MTHFD1L: variants seen among roughly 807,000 people sequenced by gnomAD.
MTHFD1L encodes methylenetetrahydrofolate dehydrogenase (NADP+ dependent) 1 like.
Under a neutral mutation model 119.5 loss-of-function variants are expected in MTHFD1L, and 81 were observed. That is an observed-to-expected ratio of 0.68 (90% confidence interval 0.57 to 0.82). MTHFD1L has a LOEUF of 0.82. Among genes scored for constraint, MTHFD1L ranks in the 40% least tolerant of loss-of-function variants. The probability of loss-of-function intolerance (pLI) is 0.00; values close to 1 mark genes in which losing one functional copy is unlikely to be tolerated. For synonymous variants in MTHFD1L, 430 were observed against 475.2 expected, an observed-to-expected ratio of 0.90 and a Z score of 1.24; for missense variants, 1,125 against 1,253.4, an observed-to-expected ratio of 0.90 and a Z score of 1.55.
chr6:150,916,994 C>A (rs1011019860), intron 8 of MTHFD1L, among the ~76,000 whole-genome samples: 5 of 151,346 alleles, frequency 3.3e-5, no homozygotes, highest in Non-Finnish European at 7.4e-5. Flanking sequence ...CCCCCGACCT[C>A]AGATGATCCA....
chr6:150,940,192 T>C (rs1196456167), intron 13 of MTHFD1L, among the ~76,000 whole-genome samples: 1 of 152,134 alleles, frequency 6.6e-6, no homozygotes, highest in Non-Finnish European at 1.5e-5. Context: ...GGTCCCAGCA[T>C]TGAGCAGAGT....
intron 24 of MTHFD1L, among the ~76,000 whole-genome samples, chr6:151,020,772 T>A (rs1335619889): frequency 6.6e-6 from 1 of 152,252 alleles, no homozygotes; most frequent in Non-Finnish European, 1.5e-5. Context: ...TGAATTTTCC[T>A]TTCTAATGTG....
chr6:151,043,079 C>T (rs1318863519), intron 26 of MTHFD1L, among the ~76,000 whole-genome samples: 2 of 152,068 alleles, frequency 1.3e-5, no homozygotes, highest in Non-Finnish European at 2.9e-5. Context: ...TAGAACGTTT[C>T]CATAAGAAGT....
intron 24 of MTHFD1L, among the ~76,000 whole-genome samples, chr6:151,024,271 G>A (rs987454808): frequency 1.3e-5 from 2 of 152,138 alleles, no homozygotes; most frequent in Non-Finnish European, 2.9e-5. Flanking sequence ...CAGGCGCGGC[G>A]GCTCATGCCT....
rs56386906 is a variant in MTHFD1L at position 150,870,195 on chromosome 6, T to C, written c.227+4146T>C. 1.7e-3 allele frequency among the ~76,000 whole-genome samples: 265 copies of C among 152,320 alleles called. 1 individual carries two copies. The highest frequency in any genetic ancestry group is 0.01 in the Middle Eastern group (3 of 294). Reference sequence around the variant, plus strand: ...CTAGAGAGCTCACATTCCTTCCCACTGTCCTCAACCAAAGTGGAAGCTCAC... The same window carrying C: ...CTAGAGAGCTCACATTCCTTCCCACCGTCCTCAACCAAAGTGGAAGCTCAC... On this transcript the variant is annotated intron_variant, in intron 1 of 27. Coordinates refer to ENST00000367321, the MANE Select transcript of MTHFD1L (RefSeq NM_015440.5).
At chr6:151,076,177 G>A (rs1294717852) in intron 26 of MTHFD1L, among the ~76,000 whole-genome samples, 1 of 152,028 alleles carries the variant, frequency 6.6e-6, no homozygotes, top group Non-Finnish European at 1.5e-5. Flanking sequence ...GACAACATAG[G>A]GAGGAGACTC....
chr6:150,881,334 T>C (rs1781365703), intron 4 of MTHFD1L, among the ~76,000 whole-genome samples: 1 of 152,242 alleles, frequency 6.6e-6, no homozygotes. Flanking sequence ...TGCTATTTAT[T>C]GAAGAGGCTC....
chr6:150,972,267 G>A (rs1249549263), intron 20 of MTHFD1L, among the ~76,000 whole-genome samples: 1 of 152,122 alleles, frequency 6.6e-6, no homozygotes, highest in Non-Finnish European at 1.5e-5. Context: ...CTGGTATCAA[G>A]TACATATGGG....
In MTHFD1L at chr6:151,034,597, A is replaced by G. The variant is rs747730123; in HGVS notation, c.2691A>G (p.Gln897=). ...AAGCCAAAATAGATCGTTACACTCAACAGGTAAAAGTTCTACTTTTAGGGG... is the reference window on the plus strand; with the variant it reads ...AAGCCAAAATAGATCGTTACACTCAGCAGGTAAAAGTTCTACTTTTAGGGG... ...EAQAKIDRYT[Q]QGFGNLPICM... The change falls in exon 25 of 28, where the codon CAA becomes CAG. Residue 897 remains glutamine (Q), a synonymous_variant. Coordinates refer to ENST00000367321, the MANE Select transcript of MTHFD1L (RefSeq NM_015440.5). 1 of 1,602,692 alleles carries G rather than the reference A, an allele frequency of 6.2e-7. No homozygotes were observed. The highest frequency in any genetic ancestry group is 8.5e-7 in the Non-Finnish European group (1 of 1,171,514).
At chr6:150,985,357 C>T (rs947670875) in intron 20 of MTHFD1L, 8 of 152,084 alleles carry the variant, frequency 5.3e-5, no homozygotes, top group East Asian at 1.9e-4. Context: ...TCTGAGAAAT[C>T]GGAGGGGCTC....
chr6:150,898,677 A>G (rs1014037998), intron 7 of MTHFD1L, among the ~76,000 whole-genome samples: 1 of 151,954 alleles, frequency 6.6e-6, no homozygotes, highest in Non-Finnish European at 1.5e-5. Context: ...GCATTTCCTT[A>G]ATTTTGTACT....
chr6:151,012,019 C>CAAAAAAAAAAAAAAAAAAA (rs1043831602), intron 21 of MTHFD1L, among the ~76,000 whole-genome samples: 4 of 58,798 alleles, frequency 6.8e-5, no homozygotes, highest in African/African-American at 1.2e-4. Flanking sequence ...ACAACAACAA[C>CAAAAAAAAAAAAAAAAAAA]AAAAAAAAAA....
chr6:151,075,079 A>C (rs1792355715), intron 26 of MTHFD1L, among the ~76,000 whole-genome samples: 1 of 152,210 alleles, frequency 6.6e-6, no homozygotes. Context: ...AGGAAGCAGA[A>C]AAGGGAAAAA....
intron 20 of MTHFD1L, among the ~76,000 whole-genome samples, chr6:150,992,808 G>A (rs945624335): frequency 5.3e-5 from 8 of 152,146 alleles, no homozygotes; most frequent in Non-Finnish European, 1.0e-4. Flanking sequence ...TGGTGACTGG[G>A]TGAACCACCT....
intron 26 of MTHFD1L, among the ~76,000 whole-genome samples, chr6:151,070,088 G>A (rs1001355143): frequency 2.6e-5 from 4 of 152,070 alleles, no homozygotes; most frequent in Admixed American, 1.3e-4. Flanking sequence ...GATACATCAC[G>A]TCTCCAAGAA....
chr6:151,051,847 G>A (rs933718106), intron 26 of MTHFD1L, among the ~76,000 whole-genome samples: 21 of 152,210 alleles, frequency 1.4e-4, no homozygotes, highest in Non-Finnish European at 3.1e-4. Context: ...TGAAACTGGG[G>A]CATTTGAGAC....
At chr6:150,989,811 C>T (rs1778809699) in intron 20 of MTHFD1L, among the ~76,000 whole-genome samples, 1 of 152,152 alleles carries the variant, frequency 6.6e-6, no homozygotes, top group South Asian at 2.1e-4. Flanking sequence ...ATTAATCATC[C>T]TTCCTCTGTC....
Position 150,972,074 on chromosome 6 carries a change from T to G in MTHFD1L, c.2125+16T>G. 1 of 1,595,730 alleles carries G rather than the reference T, an allele frequency of 6.3e-7. No homozygotes were observed. Among genetic ancestry groups the G allele is most frequent in the Non-Finnish European group, 8.6e-7 (1 of 1,163,428 alleles). ...GGATTTGTAGGTAAGTTATTTCTTT[T>G]AAATTTAGTTGTTGTAGAATATTGA... On this transcript the variant is annotated intron_variant, in intron 20 of 27. Transcript: ENST00000367321.
intron 5 of MTHFD1L, among the ~76,000 whole-genome samples, chr6:150,883,907 G>A (rs910055559): frequency 1.4e-4 from 21 of 152,142 alleles, no homozygotes; most frequent in Admixed American, 3.9e-4. Flanking sequence ...TGCAGGGGCT[G>A]GATGGGGAGG....
Sources: gnomAD v4.1 joint callset for allele counts (sites outside exome capture counted in the v4.1 genomes callset) on GRCh38, gnomAD v4.1.1 for gene constraint, MANE v1.5 for transcripts, NCBI Gene and HGNC (gene_info 2026-07-23, HGNC 2026-07-21) for gene names.